TMEM143: variants seen among roughly 807,000 people sequenced by gnomAD.
TMEM143 encodes the protein transmembrane protein 143.
TMEM143 carries 45 observed loss-of-function variants against 40.3 expected under a neutral mutation model. The observed-to-expected ratio is 1.12, with a 90% CI of 0.88 to 1.43. TMEM143 has a LOEUF of 1.43. Ranked by LOEUF, TMEM143 falls within the 40% of genes most tolerant of loss-of-function variation. The pLI is 0.00. For missense variants in TMEM143, 620 were observed against 613.4 expected (o/e 1.01, Z -0.11); for synonymous variants, 299 against 282.7 (o/e 1.06, Z -0.58).
chr19:48,361,676 C>G (rs1017992255), intron 2 of TMEM143, among the ~76,000 whole-genome samples: 1 of 152,094 alleles, frequency 6.6e-6, no homozygotes, highest in Non-Finnish European at 1.5e-5. Context: ...ACTACAGGAG[C>G]CTGCCACCTC....
chr19:48,340,372 G>A (rs944792712), intron 6 of TMEM143, among the ~76,000 whole-genome samples: 44 of 151,912 alleles, frequency 2.9e-4, no homozygotes, highest in African/African-American at 9.6e-4. Context: ...TGATCCACCC[G>A]CCTCGGCCTC....
At chr19:48,336,323 G>A (rs1324984996) in intron 6 of TMEM143, among the ~76,000 whole-genome samples, 1 of 151,352 alleles carries the variant, frequency 6.6e-6, no homozygotes, top group Non-Finnish European at 1.5e-5. Flanking sequence ...TTCGAAACCA[G>A]CCTGGCCAAC....
At chr19:48,342,506 G>C in intron 6 of TMEM143, 24 bp downstream of exon 6, 1 of 1,584,020 alleles carries the variant, frequency 6.3e-7, no homozygotes, top group Non-Finnish European at 8.6e-7. Context: ...AGGGCCGCAG[G>C]AGGCGTGGCA....
intron 3 of TMEM143, among the ~76,000 whole-genome samples, chr19:48,358,085 T>C (rs559851851): frequency 1.3e-5 from 2 of 152,118 alleles, no homozygotes; most frequent in South Asian, 4.2e-4. Flanking sequence ...ATAAAAAATG[T>C]TTTAATTAAA....
intron 3 of TMEM143, among the ~76,000 whole-genome samples, chr19:48,347,100 T>A (rs574924743): frequency 3.4e-4 from 52 of 152,322 alleles, no homozygotes; most frequent in Non-Finnish European, 5.6e-4. Flanking sequence ...TTGGAATGAA[T>A]GTCGCGTGAG....
In TMEM143 at chr19:48,334,084, G is replaced by A. The variant is rs751577333; in HGVS notation, c.1089C>T (p.Asp363=). Residue 363 remains aspartate (D), a synonymous_variant, in exon 7 of 8, where the codon GAC becomes GAT. Transcript: ENST00000293261. The stretch of plus-strand genomic sequence containing the variant: ...CCAGCAGCGCCTCCTTGGTGTGCTC[G>A]TCCTGCGCGCGCAGGGCCAGGGCGC... ...LLSALALRAQ[D]EHTKEALLAH... is the part of the protein sequence containing the mutation. The A allele has an allele frequency of 1.3e-6, 2 of 1,589,422 alleles. No individual in the cohort carries two copies. The highest frequency in any genetic ancestry group is 8.6e-7 in the Non-Finnish European group (1 of 1,169,352).
intron 3 of TMEM143, among the ~76,000 whole-genome samples, chr19:48,347,869 T>TTTTA (rs374312252): frequency 5.5e-5 from 8 of 146,348 alleles, no homozygotes; most frequent in Non-Finnish European, 9.0e-5. Context: ...TTTTTTTTTT[T>TTTTA]AATTAGCCAG....
At chr19:48,358,997 A>C (rs4802470) in intron 3 of TMEM143, among the ~76,000 whole-genome samples, 150,220 of 152,194 alleles carry the variant, frequency 0.99, 74,147 homozygotes, top group Middle Eastern at 1. Context: ...GGTGAAACCC[A>C]GTCTCTACAA....
chr19:48,342,860 G>A, intron 5 of TMEM143, 51 bp from the exon 6 acceptor site: 2 of 1,539,546 alleles, frequency 1.3e-6, no homozygotes, highest in Non-Finnish European at 1.8e-6. Context: ...CACTGCCCGG[G>A]GAGCCCCCTC....
At chr19:48,356,142 G>A (rs1452224219) in intron 3 of TMEM143, among the ~76,000 whole-genome samples, 1 of 150,842 alleles carries the variant, frequency 6.6e-6, no homozygotes, top group South Asian at 2.1e-4. Context: ...TTTTGGGATG[G>A]AGTCTCACTC....
At chr19:48,357,676 G>A (rs1171791065) in intron 3 of TMEM143, among the ~76,000 whole-genome samples, 1 of 151,882 alleles carries the variant, frequency 6.6e-6, no homozygotes, top group Non-Finnish European at 1.5e-5. Flanking sequence ...CTTTCTACCT[G>A]CCTTTCTAAA....
intron 3 of TMEM143, among the ~76,000 whole-genome samples, chr19:48,348,043 AAAAGAG>A (rs1486718828): frequency 2.0e-5 from 3 of 150,242 alleles, no homozygotes; most frequent in Non-Finnish European, 4.4e-5. Context: ...AAAAAAAAGA[AAAAGAG>A]AAAGAGTCAA....
In TMEM143 at chr19:48,363,378, G is replaced by T; in HGVS notation, c.177C>A (p.Asn59Lys). The T allele has an allele frequency of 6.2e-7, 1 of 1,614,190 alleles. No individual in the cohort carries two copies. Among genetic ancestry groups the T allele is most frequent in the Non-Finnish European group, 8.5e-7 (1 of 1,180,032 alleles). The part of the protein sequence containing the change: ...AKMGEYRKMW[N>K]PREPRDWAQQ... ...GGGCCCAGTCGCGGGGCTCCCTGGG[G>T]TTCCACATCTTGCGATACTCCCCCA... Residue 59 changes from asparagine (N) to lysine (K), a missense_variant, in exon 2 of 8, where the codon AAC becomes AAA. By Grantham distance (94) the Asn-to-Lys change is moderately conservative (BLOSUM62 0). Transcript: ENST00000293261.
Position 48,342,646 on chromosome 19 carries a change from C to G in TMEM143, c.859G>C (p.Val287Leu), listed in dbSNP as rs1486575591. 1.2e-6 allele frequency: 2 copies of G among 1,613,998 alleles called. No individual in the cohort carries two copies. Among genetic ancestry groups the G allele is most frequent in the Non-Finnish European group, 1.7e-6 (2 of 1,180,030 alleles). The change falls in exon 6 of 8, where the codon GTC (valine) becomes CTC (leucine). Residue 287 changes from valine to leucine, a missense_variant. By Grantham distance (32) the Val-to-Leu change is conservative. Coordinates refer to ENST00000293261, the MANE Select transcript of TMEM143 (RefSeq NM_018273.4). The part of the protein sequence containing the change: ...QRALLNLMLV[V>L]SGVAIFVNVG... ...TTGACGAAGATCGCCACGCCGGAGA[C>G]TACCAGCATGAGGTTGAGCAGGGCG...
chr19:48,334,418 CTTTCTTT>C (rs1969299287), intron 6 of TMEM143, among the ~76,000 whole-genome samples: 4 of 13,476 alleles, frequency 3.0e-4, no homozygotes, highest in Non-Finnish European at 5.7e-4. Flanking sequence ...CTTTTTCTCT[CTTTCTTT>C]CTTTCTTTCT....
intron 3 of TMEM143, among the ~76,000 whole-genome samples, chr19:48,349,220 G>C (rs903754669): frequency 4.6e-5 from 7 of 151,884 alleles, no homozygotes; most frequent in Admixed American, 2.0e-4. Context: ...AACCAGATTG[G>C]TTTTAGTTCC....
intron 6 of TMEM143, among the ~76,000 whole-genome samples, chr19:48,337,271 G>A (rs780681792): frequency 2.8e-4 from 42 of 151,936 alleles, no homozygotes; most frequent in African/African-American, 9.4e-4. Context: ...TGGGACAGCC[G>A]GGCGCGGTGG....
At chr19:48,346,952 A>G (rs984086882) in intron 3 of TMEM143, among the ~76,000 whole-genome samples, 8 of 152,096 alleles carry the variant, frequency 5.3e-5, no homozygotes, top group African/African-American at 1.9e-4. Flanking sequence ...CAGCTCCCAC[A>G]ATCCACCCCT....
intron 6 of TMEM143, among the ~76,000 whole-genome samples, chr19:48,339,998 G>A (rs1201046727): frequency 1.3e-5 from 2 of 151,898 alleles, no homozygotes; most frequent in Non-Finnish European, 2.9e-5. Flanking sequence ...CAAAGTGCTG[G>A]GATTACAGGT....
Sources: allele counts gnomAD v4.1 joint callset (sites outside exome capture counted in the v4.1 genomes callset), GRCh38; gene constraint gnomAD v4.1.1; transcripts MANE v1.5; gene names NCBI Gene and HGNC (gene_info 2026-07-23, HGNC 2026-07-21).